The following ZBTB20 variants were observed in gnomAD, a reference collection of about 807,000 sequenced individuals.
ZBTB20 encodes zinc finger and BTB domain-containing protein 20.
A neutral mutation model predicts 56.9 loss-of-function variants in ZBTB20; 9 were observed. The ratio of observed to expected loss-of-function variants is 0.16; its 90% CI spans 0.10 to 0.28. The LOEUF is 0.28. ZBTB20 is among the 10% of genes least tolerant of loss of function. The probability of loss-of-function intolerance (pLI) is 1.00; values close to 1 mark genes in which losing one functional copy is unlikely to be tolerated. For missense variants in ZBTB20, 655 were observed against 1,003.0 expected (o/e 0.65, Z 4.69); for synonymous variants, 417 against 420.7 (o/e 0.99, Z 0.11).
At position 114,351,449 on chromosome 3, in the gene ZBTB20, T is replaced by A. The variant is rs2080666550; in HGVS notation, c.629A>T (p.Asp210Val). 2 of 1,613,590 alleles carry A rather than the reference T, an allele frequency of 1.2e-6. No homozygotes were observed. Among genetic ancestry groups the A allele is most frequent in the Non-Finnish European group, 1.7e-6 (2 of 1,179,992 alleles). Residue 210 changes from aspartate (D) to valine (V), a missense_variant, in exon 11 of 12, where the codon GAC becomes GTC. Physicochemically the swap from Asp to Val is radical, Grantham distance 152. This residue lies in a region of ZBTB20 where 167 missense variants were observed against 281.9 expected (regional missense o/e 0.59). Transcript: ENST00000675478. ...VFPGIQDSGQ[D>V]TPRGTPESGT... ...TGACTCGGGAGTGCCCCGCGGCGTG[T>A]CCTGGCCCGAGTCCTGGATCCCCGG...
intron 6 of ZBTB20, among the ~76,000 whole-genome samples, chr3:114,668,846 A>G (rs567217179): frequency 6.6e-6 from 1 of 152,198 alleles, no homozygotes; most frequent in South Asian, 2.1e-4. Context: ...GGAAGCTCTG[A>G]GGTCTGCCTA....
intron 4 of ZBTB20, among the ~76,000 whole-genome samples, chr3:114,879,598 A>C (rs1012653794): frequency 2.0e-5 from 3 of 152,164 alleles, no homozygotes; most frequent in African/African-American, 7.2e-5. Flanking sequence ...TGAGTGCTAT[A>C]GTGTCTGTTC....
At chr3:115,127,458 C>T (rs1312274778) in intron 1 of ZBTB20, among the ~76,000 whole-genome samples, 3 of 152,008 alleles carry the variant, frequency 2.0e-5, no homozygotes, top group Non-Finnish European at 4.4e-5. Context: ...GGCACGATGG[C>T]ATACACCTAT....
intron 2 of ZBTB20, among the ~76,000 whole-genome samples, chr3:115,009,840 ACCCT>A (rs2079624126): frequency 2.0e-5 from 3 of 151,880 alleles, no homozygotes; most frequent in Admixed American, 2.0e-4. Flanking sequence ...GATGCCCAAC[ACCCT>A]TTTATAGGGC....
chr3:114,630,782 A>AT (rs1201280162), intron 6 of ZBTB20, among the ~76,000 whole-genome samples: 1 of 152,184 alleles, frequency 6.6e-6, no homozygotes, highest in Non-Finnish European at 1.5e-5. Context: ...ATCCAGATAC[A>AT]TTTTTGCAGA....
intron 4 of ZBTB20, among the ~76,000 whole-genome samples, chr3:114,862,052 G>T (rs1342621228): frequency 6.6e-6 from 1 of 151,996 alleles, no homozygotes; most frequent in Non-Finnish European, 1.5e-5. Flanking sequence ...CTTTAATGTG[G>T]CATACAACTT....
intron 3 of ZBTB20, among the ~76,000 whole-genome samples, chr3:114,961,536 A>G (rs1020181921): frequency 1.3e-5 from 2 of 152,174 alleles, no homozygotes; most frequent in African/African-American, 4.8e-5. Context: ...TCTCGGTTGG[A>G]AGTCTCAGAT....
At chr3:115,137,537 AATCT>A (rs1425519261) in intron 1 of ZBTB20, among the ~76,000 whole-genome samples, 2 of 152,066 alleles carry the variant, frequency 1.3e-5, no homozygotes, top group Non-Finnish European at 2.9e-5. Context: ...GATAAAATTA[AATCT>A]TTCTTTCAGT....
chr3:115,095,677 A>G (rs2083356001), intron 1 of ZBTB20, among the ~76,000 whole-genome samples: 1 of 152,184 alleles, frequency 6.6e-6, no homozygotes, highest in Non-Finnish European at 1.5e-5. Context: ...CATAGATAGC[A>G]TATTTCTTCC....
At chr3:115,120,583 T>A (rs2084157579) in intron 1 of ZBTB20, among the ~76,000 whole-genome samples, 1 of 152,050 alleles carries the variant, frequency 6.6e-6, no homozygotes, top group African/African-American at 2.4e-5. Context: ...TTGCAGAATG[T>A]CAATTGCCTT....
intron 9 of ZBTB20, 27 bp downstream of exon 9, chr3:114,380,750 C>T: frequency 6.7e-7 from 1 of 1,494,844 alleles, no homozygotes; most frequent in South Asian, 1.3e-5. Flanking sequence ...TTAACATGGT[C>T]TGGAAAAATA....
chr3:114,453,583 G>C (rs1172457861), intron 7 of ZBTB20: 1 of 151,990 alleles, frequency 6.6e-6, no homozygotes, highest in Non-Finnish European at 1.5e-5. Context: ...CAAGATTTTG[G>C]CGACCCAGAA....
chr3:115,138,847 T>C (rs886734038), intron 1 of ZBTB20, among the ~76,000 whole-genome samples: 9 of 152,060 alleles, frequency 5.9e-5, no homozygotes, highest in African/African-American at 2.2e-4. Flanking sequence ...GCATTTACTT[T>C]TCACTGTGCT....
At chr3:114,694,649 A>C (rs967090625) in intron 5 of ZBTB20, among the ~76,000 whole-genome samples, 9 of 152,018 alleles carry the variant, frequency 5.9e-5, no homozygotes, top group African/African-American at 1.7e-4. Flanking sequence ...GATTCAAAGG[A>C]CCCTGTGGCA....
intron 3 of ZBTB20, among the ~76,000 whole-genome samples, chr3:114,966,627 T>C (rs2077658446): frequency 6.6e-6 from 1 of 152,016 alleles, no homozygotes; most frequent in Non-Finnish European, 1.5e-5. Context: ...CAGTCAAGAC[T>C]GAATCTCAAA....
chr3:114,944,810 T>A (rs565309830), intron 3 of ZBTB20, among the ~76,000 whole-genome samples: 1 of 144,900 alleles, frequency 6.9e-6, no homozygotes, highest in African/African-American at 2.8e-5. Flanking sequence ...TGGTGGTTAC[T>A]AGAGGCTGAG....
chr3:114,901,141 A>G (rs1242618775), intron 3 of ZBTB20, among the ~76,000 whole-genome samples: 1 of 152,086 alleles, frequency 6.6e-6, no homozygotes, highest in South Asian at 2.1e-4. Flanking sequence ...GTGGTGGCTC[A>G]CGCCTGTAAT....
intron 8 of ZBTB20, among the ~76,000 whole-genome samples, chr3:114,381,750 T>C (rs2084370209): frequency 6.6e-6 from 1 of 152,222 alleles, no homozygotes; most frequent in African/African-American, 2.4e-5. Context: ...GTGTTATGAT[T>C]AGTATGCTGT....
chr3:114,521,852 A>G (rs746645537), intron 6 of ZBTB20, among the ~76,000 whole-genome samples: 2 of 152,180 alleles, frequency 1.3e-5, no homozygotes, highest in Non-Finnish European at 2.9e-5. Context: ...GCCATGGAGA[A>G]TCATGGAGCC....
Sources: allele counts gnomAD v4.1 joint callset (sites outside exome capture counted in the v4.1 genomes callset), GRCh38; gene constraint gnomAD v4.1.1; regional missense constraint gnomAD v4.1.1; transcripts MANE v1.5; gene names NCBI Gene and HGNC (gene_info 2026-07-23, HGNC 2026-07-21).